Variants in DLGAP5 observed in about 807,000 individuals in gnomAD.
DLGAP5 encodes the protein DLG associated protein 5, also known as disks large-associated protein 5.
In DLGAP5, 90 loss-of-function variants were observed where a neutral mutation model predicts 99.6. That is an observed-to-expected ratio of 0.90 (90% CI 0.76 to 1.08). The LOEUF (loss-of-function observed/expected upper bound fraction) is 1.08. Ranked by LOEUF, DLGAP5 falls within the 50% of genes least tolerant of loss-of-function variation. The probability of loss-of-function intolerance (pLI) is 0.00; values close to 1 mark genes in which losing one functional copy is unlikely to be tolerated. For missense variants in DLGAP5, 1,036 were observed against 983.5 expected, an observed-to-expected ratio of 1.05 and a Z score of -0.71; for synonymous variants, 311 against 321.3, an observed-to-expected ratio of 0.97 and a Z score of 0.34.
chr14:55,183,697 CTTTG>C lies in DLGAP5; in HGVS notation c.291_294del (p.Tyr97Ter). ...TTCAATTTTTGAAGTTGCTTTTCTTCTTTGTATTTTTGGAGCATCTGTTTTCGTT... is the reference window on the plus strand; with the variant it reads ...TTCAATTTTTGAAGTTGCTTTTCTTCTATTTTTGGAGCATCTGTTTTCGTT... On this transcript the variant is annotated frameshift_variant, in exon 3 of 19. Transcript: ENST00000247191. LOFTEE classifies it high-confidence loss of function. 6.2e-7 allele frequency: 1 copy of C among 1,610,146 alleles called. No individual in the cohort carries two copies. Among genetic ancestry groups the C allele is most frequent in the Non-Finnish European group, 8.5e-7 (1 of 1,178,578 alleles).
intron 10 of DLGAP5, among the ~76,000 whole-genome samples, chr14:55,174,474 C>T (rs8017256): frequency 0.16 from 24,657 of 151,978 alleles, 2,862 homozygotes; most frequent in African/African-American, 0.33. Context: ...TTCGCACACT[C>T]CCTCCCCTTT....
At chr14:55,168,718 A>G (rs1179162841) in intron 12 of DLGAP5, among the ~76,000 whole-genome samples, 1 of 152,156 alleles carries the variant, frequency 6.6e-6, no homozygotes, top group African/African-American at 2.4e-5. Context: ...CTCCTAATAC[A>G]ATACTCCTAA....
Position 55,170,704 on chromosome 14 carries a change from T to C in DLGAP5, c.1385A>G (p.Asp462Gly). Residue 462 changes from aspartate (D) to glycine (G), a missense_variant and splice_region_variant, in exon 11 of 19, where the codon GAT becomes GGT. Asp to Gly is a moderately conservative substitution (Grantham distance 94). Transcript: ENST00000247191. ...DRKLELDIPD[D>G]AKDLIRTAVG... ...AAAAAATACAAATGTTGCCTCACCA[T>C]CATCTGGAATGTCCAATTCAAGTTT... 1 of 1,610,976 alleles carries C rather than the reference T, an allele frequency of 6.2e-7. No homozygotes were observed. The highest frequency in any genetic ancestry group is 8.5e-7 in the Non-Finnish European group (1 of 1,177,672).
Position 55,150,846 on chromosome 14 carries a change from G to A in DLGAP5, c.2371C>T (p.Leu791=). 2 of 1,572,068 alleles carry A rather than the reference G, an allele frequency of 1.3e-6. No homozygotes were observed. Among genetic ancestry groups the A allele is most frequent in the Non-Finnish European group, 1.7e-6 (2 of 1,165,064 alleles). Residue 791 remains leucine, a splice_region_variant and synonymous_variant, in exon 18 of 19, where the codon CTA becomes TTA. Coordinates refer to ENST00000247191, the MANE Select transcript of DLGAP5 (RefSeq NM_014750.5). ...EGETKISQSE[L]FDNKSLTTEC... is the part of the protein sequence containing the mutation. ...GTAGTGAGACTTTTATTATCAAATA[G>A]TTCTGAAAAACAACAAAAAAAAACT...
intron 10 of DLGAP5, among the ~76,000 whole-genome samples, chr14:55,174,154 T>C (rs1882972053): frequency 1.3e-5 from 2 of 152,150 alleles, no homozygotes; most frequent in African/African-American, 4.8e-5. Context: ...CACCTGGGGG[T>C]GGGTCTCTTA....
intron 12 of DLGAP5, among the ~76,000 whole-genome samples, chr14:55,165,463 C>T (rs977443397): frequency 2.0e-5 from 3 of 151,842 alleles, no homozygotes; most frequent in Admixed American, 6.6e-5. Flanking sequence ...GTGGAGGTTG[C>T]AGTGAGGTGA....
At chr14:55,187,838 C>T (rs1403047610) in intron 2 of DLGAP5, among the ~76,000 whole-genome samples, 1 of 152,138 alleles carries the variant, frequency 6.6e-6, no homozygotes, top group East Asian at 1.9e-4. Context: ...CCATTAATGG[C>T]CTCTCATTTC....
rs564527782 is a variant in DLGAP5, at chr14:55,182,655, C to T, written c.433-223G>A. 5.3e-5 allele frequency among the ~76,000 whole-genome samples: 8 copies of T among 152,172 alleles called. No individual in the cohort carries two copies. In the East Asian group the frequency reaches 7.7e-4, roughly 15 times the overall value. ...TCTCAGTGAGAAAGAAATTTCAAAC[C>T]GTATTTTCCAGGTATTGGAATCATC... is the stretch of plus-strand genomic sequence containing the variant. On this transcript the variant is annotated intron_variant, in intron 3 of 18. Transcript: ENST00000247191.
chr14:55,178,729 A>C (rs1883169395), intron 7 of DLGAP5, among the ~76,000 whole-genome samples: 1 of 152,136 alleles, frequency 6.6e-6, no homozygotes, highest in African/African-American at 2.4e-5. Context: ...AGGTTACTTA[A>C]TCTTTGGTAC....
intron 2 of DLGAP5, among the ~76,000 whole-genome samples, 162 bp downstream of exon 2, chr14:55,188,779 TA>T (rs397852487): frequency 0.42 from 49,105 of 116,212 alleles, 9,325 homozygotes; most frequent in African/African-American, 0.46. Context: ...TCTTGTAATT[TA>T]AAAAAAAAAA....
At chr14:55,173,272 C>A (rs1217935061) in intron 10 of DLGAP5, among the ~76,000 whole-genome samples, 102 of 106,580 alleles carry the variant, frequency 9.6e-4, no homozygotes, top group South Asian at 1.5e-3. Context: ...CCCGTCTCTA[C>A]AAAAAAAAAA....
chr14:55,180,272 T>A (rs1883227423), intron 6 of DLGAP5, among the ~76,000 whole-genome samples: 1 of 152,208 alleles, frequency 6.6e-6, no homozygotes, highest in Non-Finnish European at 1.5e-5. Context: ...CCATAATGCT[T>A]TTTAGAACTG....
chr14:55,164,065 C>T (rs1882546505), intron 12 of DLGAP5, among the ~76,000 whole-genome samples: 1 of 152,142 alleles, frequency 6.6e-6, no homozygotes. Flanking sequence ...TCTGATACTT[C>T]CAGTCTCCTA....
chr14:55,182,833 C>T (rs1883320334), intron 3 of DLGAP5, among the ~76,000 whole-genome samples: 1 of 152,150 alleles, frequency 6.6e-6, no homozygotes, highest in South Asian at 2.1e-4. Flanking sequence ...TTTAGTCCTA[C>T]AGCTTAAACA....
chr14:55,148,507 T>C (rs968819087), intron 18 of DLGAP5, 34 bp from the exon 19 acceptor site: 1 of 1,613,414 alleles, frequency 6.2e-7, no homozygotes, highest in Non-Finnish European at 8.5e-7. Flanking sequence ...CAGTAAAGTA[T>C]CCATCAAGAG....
chr14:55,150,851 G>A lies in DLGAP5; in HGVS notation c.2369-3C>T, dbSNP rs1481832404. On this transcript the variant is annotated splice_polypyrimidine_tract_variant and splice_region_variant and intron_variant, in intron 17 of 18. Coordinates refer to ENST00000247191, the MANE Select transcript of DLGAP5 (RefSeq NM_014750.5). ...GAGACTTTTATTATCAAATAGTTCTGAAAAACAACAAAAAAAAACTTTTTA... is the reference window on the plus strand; with the variant it reads ...GAGACTTTTATTATCAAATAGTTCTAAAAAACAACAAAAAAAAACTTTTTA... The A allele has an allele frequency of 1.3e-6, 2 of 1,555,730 alleles. No homozygotes were observed. Among genetic ancestry groups the A allele is most frequent in the Admixed American group, 2.0e-5 (1 of 49,324 alleles).
intron 12 of DLGAP5, among the ~76,000 whole-genome samples, chr14:55,166,274 A>C (rs1469842844): frequency 6.6e-6 from 1 of 152,236 alleles, no homozygotes. Flanking sequence ...AAGTGAAAGA[A>C]GCCAGATGCA....
At chr14:55,152,704 G>C (rs1882061786) in intron 15 of DLGAP5, 57 bp from the exon 16 acceptor site, 1 of 1,404,196 alleles carries the variant, frequency 7.1e-7, no homozygotes, top group South Asian at 1.5e-5. Context: ...TGTTTCACTT[G>C]TATTTTGAGT....
chr14:55,154,764 G>A lies in DLGAP5; in HGVS notation c.1916C>T (p.Thr639Ile), dbSNP rs573517258. 1 of 1,614,116 alleles carries A rather than the reference G, an allele frequency of 6.2e-7. No individual in the cohort carries two copies. The highest frequency in any genetic ancestry group is 1.7e-5 in the Admixed American group (1 of 60,016). The stretch of plus-strand genomic sequence containing the variant: ...TACAGCTTTGTTGACAGACTTAGGT[G>A]TTCCAAGTCTTTGAGAAGGGCCTTC... ...SSEGPSQRLG[T>I]PKSVNKAVSQ... Residue 639 changes from threonine to isoleucine, a missense_variant, in exon 15 of 19, where the codon ACA (threonine) becomes ATA (isoleucine). Coordinates refer to ENST00000247191, the MANE Select transcript of DLGAP5 (RefSeq NM_014750.5).
Sources: gnomAD v4.1 joint callset for allele counts (sites outside exome capture counted in the v4.1 genomes callset) on GRCh38, gnomAD v4.1.1 for gene constraint, MANE v1.5 for transcripts, NCBI Gene and HGNC (gene_info 2026-07-23, HGNC 2026-07-21) for gene names.